The following RFX3 variants were observed in gnomAD, a reference collection of about 807,000 sequenced individuals.
The protein encoded by RFX3 is regulatory factor X3.
RFX3 carries 14 observed loss-of-function variants against 98.6 expected under a neutral mutation model. That is an observed-to-expected ratio of 0.14 (90% CI 0.09 to 0.22). RFX3 has a LOEUF of 0.22. Among genes scored for constraint, RFX3 ranks in the 10% least tolerant of loss-of-function variants. The probability of loss-of-function intolerance (pLI) is 1.00; values close to 1 mark genes in which losing one functional copy is unlikely to be tolerated. For synonymous variants in RFX3, 383 were observed against 328.4 expected (o/e 1.17, Z -1.80); for missense variants, 639 against 926.9 (o/e 0.69, Z 4.03).
chr9:3,463,808 CAAAAA>C (rs1847943607), intron 1 of RFX3, among the ~76,000 whole-genome samples: 1 of 151,690 alleles, frequency 6.6e-6, no homozygotes, highest in Non-Finnish European at 1.5e-5. Context: ...CCAGTATCTA[CAAAAA>C]GTTAAAAAAA....
intron 2 of RFX3, among the ~76,000 whole-genome samples, chr9:3,380,794 T>G (rs935459823): frequency 2.0e-5 from 3 of 152,194 alleles, no homozygotes; most frequent in African/African-American, 4.8e-5. Context: ...ATTGTCTACT[T>G]AGATTTAACA....
intron 1 of RFX3, among the ~76,000 whole-genome samples, chr9:3,512,745 C>A (rs1458948869): frequency 1.3e-5 from 2 of 151,930 alleles, no homozygotes; most frequent in Admixed American, 6.6e-5. Flanking sequence ...TTGGGTCCTC[C>A]CATTAGGTAA....
chr9:3,471,975 T>C (rs953496478), intron 1 of RFX3, among the ~76,000 whole-genome samples: 2 of 152,236 alleles, frequency 1.3e-5, no homozygotes, highest in Admixed American at 6.5e-5. Flanking sequence ...GGCTGACTTA[T>C]GATAAACAGC....
chr9:3,397,637 T>C (rs1055092844), intron 1 of RFX3, among the ~76,000 whole-genome samples: 10 of 152,176 alleles, frequency 6.6e-5, no homozygotes, highest in African/African-American at 2.2e-4. Flanking sequence ...ACTGGGCTTT[T>C]TCACTTTGAC....
At chr9:3,423,473 T>C (rs982496338) in intron 1 of RFX3, among the ~76,000 whole-genome samples, 2 of 152,150 alleles carry the variant, frequency 1.3e-5, no homozygotes, top group East Asian at 1.9e-4. Flanking sequence ...ATGCTATTCA[T>C]ACACATAGCA....
chr9:3,510,964 G>C (rs186736048), intron 1 of RFX3, among the ~76,000 whole-genome samples: 1 of 151,954 alleles, frequency 6.6e-6, no homozygotes, highest in Admixed American at 6.6e-5. Flanking sequence ...TCTAAAATAA[G>C]ATCATTTAAT....
chr9:3,259,183 T>C (rs1465720060), intron 13 of RFX3, among the ~76,000 whole-genome samples: 1 of 151,990 alleles, frequency 6.6e-6, no homozygotes, highest in Non-Finnish European at 1.5e-5. Flanking sequence ...TGTTTGCACG[T>C]TGATAATTGG....
intron 1 of RFX3, among the ~76,000 whole-genome samples, chr9:3,522,829 T>G (rs1818854669): frequency 6.6e-6 from 1 of 152,232 alleles, no homozygotes; most frequent in Non-Finnish European, 1.5e-5. Flanking sequence ...ATTCATTTTT[T>G]AATTGCTATT....
chr9:3,275,974 T>C (rs568859286), intron 8 of RFX3, among the ~76,000 whole-genome samples: 4 of 152,162 alleles, frequency 2.6e-5, no homozygotes, highest in Non-Finnish European at 5.9e-5. Context: ...TTTAATTACA[T>C]AAAAAAACGA....
chr9:3,302,515 A>G (rs1159589896), intron 4 of RFX3, among the ~76,000 whole-genome samples: 1 of 150,924 alleles, frequency 6.6e-6, no homozygotes, highest in Non-Finnish European at 1.5e-5. Context: ...TATATTAACA[A>G]TATTAGCTAA....
chr9:3,427,557 C>T (rs1003506174), intron 1 of RFX3, among the ~76,000 whole-genome samples: 2 of 149,972 alleles, frequency 1.3e-5, no homozygotes, highest in African/African-American at 2.4e-5. Flanking sequence ...CTGCTATGAT[C>T]CTCTGAAGAA....
intron 1 of RFX3, among the ~76,000 whole-genome samples, chr9:3,430,635 T>G (rs1844573316): frequency 6.6e-6 from 1 of 152,210 alleles, no homozygotes; most frequent in South Asian, 2.1e-4. Context: ...TCACAAAATC[T>G]GATTCATTCT....
At chr9:3,308,566 T>G (rs113133848) in intron 4 of RFX3, among the ~76,000 whole-genome samples, 6,148 of 152,240 alleles carry the variant, frequency 0.04, 162 homozygotes, top group Non-Finnish European at 0.061. Flanking sequence ...CATGCCAATT[T>G]ACATGCCAGA....
In RFX3 at chr9:3,346,747, A is replaced by G; in HGVS notation, c.135T>C (p.Thr45=). 1 of 1,613,202 alleles carries G rather than the reference A, an allele frequency of 6.2e-7. No homozygotes were observed. Among genetic ancestry groups the G allele is most frequent in the Non-Finnish European group, 8.5e-7 (1 of 1,179,208 alleles). The change falls in exon 3 of 17, where the codon ACT becomes ACC. Residue 45 remains threonine (T), a synonymous_variant. Transcript: ENST00000617270. ...GATAGACATGTTGTACCTGCTGCAC[A>G]GTCTGTACCTGCTGTACCTGAAAAA... ...PVQQQVQQVQ[T]VQQVQHVYPA...
At chr9:3,344,730 G>T in intron 3 of RFX3, 1 of 600,036 alleles carries the variant, frequency 1.7e-6, no homozygotes, top group South Asian at 2.1e-5. Flanking sequence ...CTGACAACTG[G>T]GTGACCTCTA....
intron 4 of RFX3, among the ~76,000 whole-genome samples, chr9:3,307,498 AAC>A (rs1243208413): frequency 6.6e-6 from 1 of 152,166 alleles, no homozygotes; most frequent in African/African-American, 2.4e-5. Flanking sequence ...AACTGGTGAT[AAC>A]ACTGCAGTGA....
intron 1 of RFX3, among the ~76,000 whole-genome samples, chr9:3,487,807 T>C (rs1399535549): frequency 2.0e-5 from 3 of 152,168 alleles, no homozygotes; most frequent in African/African-American, 7.2e-5. Context: ...ATTTAAAAAT[T>C]ATTAATAGAG....
rs191963044 is a variant in RFX3, at chr9:3,346,877, T to G, written c.118-113A>C. 280 of 699,018 alleles carry G rather than the reference T, an allele frequency of 4.0e-4. 4 individuals are homozygous for G. The East Asian group carries it at 7.4e-3, about 19-fold the overall frequency. The allele number at this position is 699,018 out of a possible 1,614,324, so 43.3% of individuals were successfully genotyped here. ...TATTATTGATAAATTTGAGAAAGAC[T>G]GATAAGAAAAACTATTAGATTCATG... On this transcript the variant is annotated intron_variant, in intron 2 of 16. Coordinates refer to ENST00000617270, the MANE Select transcript of RFX3 (RefSeq NM_001282116.2).
chr9:3,275,661 A>G (rs1172302305), intron 8 of RFX3, 49 bp from the exon 9 acceptor site: 2 of 1,131,980 alleles, frequency 1.8e-6, no homozygotes, highest in Admixed American at 2.0e-5. Flanking sequence ...GATGGTGCCA[A>G]TTACAGATTA....
Sources: allele counts gnomAD v4.1 joint callset (sites outside exome capture counted in the v4.1 genomes callset), GRCh38; gene constraint gnomAD v4.1.1; transcripts MANE v1.5; gene names NCBI Gene and HGNC (gene_info 2026-07-23, HGNC 2026-07-21).